CTNS: variants seen among roughly 807,000 people sequenced by gnomAD.
The protein encoded by CTNS is cystinosin, lysosomal cystine transporter, also known as cystinosin.
CTNS carries 27 observed loss-of-function variants against 43.7 expected under a neutral mutation model. The observed-to-expected ratio is 0.62, with a 90% CI of 0.46 to 0.85. CTNS has a LOEUF of 0.85. CTNS is among the 40% of genes least tolerant of loss of function. The pLI is 0.00. For missense variants in CTNS, 457 were observed against 475.4 expected (o/e 0.96, Z 0.36); for synonymous variants, 187 against 190.6 (o/e 0.98, Z 0.16).
intron 5 of CTNS, among the ~76,000 whole-genome samples, chr17:3,654,278 TG>T: frequency 6.6e-6 from 1 of 152,168 alleles, no homozygotes. Flanking sequence ...TTGAATAACT[TG>T]CCCAAGGTGA....
chr17:3,642,164 T>TGTGTGC (rs1466071356), intron 3 of CTNS, among the ~76,000 whole-genome samples: 1 of 139,394 alleles, frequency 7.2e-6, no homozygotes, highest in Non-Finnish European at 1.6e-5. Flanking sequence ...TGTGTGTGTG[T>TGTGTGC]GCCCAGTCGC....
chr17:3,653,245 C>G (rs2076032357), intron 5 of CTNS, among the ~76,000 whole-genome samples: 1 of 151,852 alleles, frequency 6.6e-6, no homozygotes, highest in East Asian at 1.9e-4. Context: ...AACCCCATCT[C>G]TACGAAAAAT....
rs1597659625 is a variant in CTNS, at chr17:3,658,130, C to T, written c.807C>T (p.Phe269=). 6.2e-7 allele frequency: 1 copy of T among 1,612,226 alleles called. No homozygotes were observed. Among genetic ancestry groups the T allele is most frequent in the Non-Finnish European group, 8.5e-7 (1 of 1,179,792 alleles). Reference sequence around the variant, plus strand: ...CGTGGCTGCAGTTTCTCTTCTGCTTCTCCTACATCAAGCTCGCAGTCACGC... The same window carrying T: ...CGTGGCTGCAGTTTCTCTTCTGCTTTTCCTACATCAAGCTCGCAGTCACGC... ...VTTWLQFLFC[F]SYIKLAVTLV... The change falls in exon 10 of 12, where the codon TTC becomes TTT. Residue 269 remains phenylalanine, a synonymous_variant. Transcript: ENST00000046640.
chr17:3,640,166 C>T, intron 2 of CTNS, 22 bp from the exon 3 acceptor site: 1 of 1,589,140 alleles, frequency 6.3e-7, no homozygotes, highest in East Asian at 2.2e-5. Context: ...CTGAACTTCT[C>T]TCTTGCTGTT....
chr17:3,661,091 C>T lies in CTNS; in HGVS notation c.*722C>T, dbSNP rs187832109. On this transcript the variant is annotated 3_prime_UTR_variant, in exon 12 of 12. Transcript: ENST00000046640. The stretch of plus-strand genomic sequence containing the variant: ...TACTCTCTTCTGCCCTCTCTCCTAC[C>T]TCCACCTTCTCAGATTAGCCCCATC... 11 of 359,468 alleles carry T rather than the reference C, an allele frequency of 3.1e-5. No homozygotes were observed. The highest frequency in any genetic ancestry group is 6.0e-5 in the Non-Finnish European group (11 of 184,630). The allele number at this position is 359,468 out of a possible 1,614,324, so 22.3% of individuals were successfully genotyped here.
intron 2 of CTNS, among the ~76,000 whole-genome samples, chr17:3,639,643 G>A (rs1271803094): frequency 2.0e-5 from 3 of 150,054 alleles, no homozygotes; most frequent in African/African-American, 7.4e-5. Context: ...ACTCCAGCCT[G>A]GGCAACAGAG....
intron 3 of CTNS, among the ~76,000 whole-genome samples, chr17:3,642,883 C>T (rs1209454631): frequency 6.6e-6 from 1 of 152,178 alleles, no homozygotes; most frequent in East Asian, 1.9e-4. Context: ...TGAGGCAGTG[C>T]AGCCTCATGG....
chr17:3,653,646 T>C (rs887962332), intron 5 of CTNS, among the ~76,000 whole-genome samples: 1 of 151,948 alleles, frequency 6.6e-6, no homozygotes, highest in Non-Finnish European at 1.5e-5. Context: ...GAGGCCAAGG[T>C]GGGTGGATCA....
At chr17:3,652,559 T>C (rs2076012805) in intron 5 of CTNS, among the ~76,000 whole-genome samples, 1 of 152,010 alleles carries the variant, frequency 6.6e-6, no homozygotes, top group Non-Finnish European at 1.5e-5. Flanking sequence ...GCCATTGCAC[T>C]CCAGCCTGGG....
At chr17:3,646,420 C>T (rs1201828524) in intron 3 of CTNS, among the ~76,000 whole-genome samples, 1 of 151,594 alleles carries the variant, frequency 6.6e-6, no homozygotes, top group African/African-American at 2.4e-5. Context: ...CCAAAGTAGC[C>T]GGGACTACAG....
chr17:3,649,241 A>G (rs2075916463), intron 5 of CTNS, among the ~76,000 whole-genome samples: 1 of 152,106 alleles, frequency 6.6e-6, no homozygotes, highest in African/African-American at 2.4e-5. Context: ...CTGAGGTAGG[A>G]AGTTCGAGAC....
At chr17:3,655,575 A>C (rs2076110056) in intron 7 of CTNS, 1 of 594,926 alleles carries the variant, frequency 1.7e-6, no homozygotes, top group Non-Finnish European at 2.9e-6. Context: ...GGAAAGCAGG[A>C]AAACAGGGAA....
chr17:3,642,177 A>G (rs1248253373), intron 3 of CTNS, among the ~76,000 whole-genome samples: 1 of 149,728 alleles, frequency 6.7e-6, no homozygotes, highest in Non-Finnish European at 1.5e-5. Context: ...CCAGTCGCTC[A>G]TACATACTCT....
intron 9 of CTNS, among the ~76,000 whole-genome samples, chr17:3,657,349 A>C (rs1003674794): frequency 3.3e-5 from 5 of 152,160 alleles, no homozygotes; most frequent in Non-Finnish European, 7.4e-5. Flanking sequence ...GCTGGAAGCC[A>C]TGGGTGTCGG....
chr17:3,656,001 C>T, intron 7 of CTNS: 2 of 314,460 alleles, frequency 6.4e-6, no homozygotes, highest in South Asian at 5.6e-5. Flanking sequence ...CCGAGTCCTC[C>T]TTCCCCGTGG....
At position 3,660,502 on chromosome 17, in the gene CTNS, C is replaced by G; in HGVS notation, c.*133C>G. The G allele has an allele frequency of 6.2e-7, 1 of 1,612,490 alleles. No individual in the cohort carries two copies. Among genetic ancestry groups the G allele is most frequent in the Non-Finnish European group, 8.5e-7 (1 of 1,179,950 alleles). On this transcript the variant is annotated 3_prime_UTR_variant, in exon 12 of 12. Transcript: ENST00000046640. ...CAGTGTGCGGACAGAGGAGACCACTCTGCTCCTGGGGCCAGAGGCCATTCA... is the reference window on the plus strand; with the variant it reads ...CAGTGTGCGGACAGAGGAGACCACTGTGCTCCTGGGGCCAGAGGCCATTCA...
rs1430736415 is a variant in CTNS at position 3,660,899 on chromosome 17, C to T, written c.*530C>T. ...CTCTGAAGGCCACTTTCCTGACGTACTCTCTGTACATAACTCAGCGTCCGT... is the reference window on the plus strand; with the variant it reads ...CTCTGAAGGCCACTTTCCTGACGTATTCTCTGTACATAACTCAGCGTCCGT... On this transcript the variant is annotated 3_prime_UTR_variant, in exon 12 of 12. Coordinates refer to ENST00000046640, the MANE Select transcript of CTNS (RefSeq NM_004937.3). 1.9e-6 allele frequency: 2 copies of T among 1,027,266 alleles called. No individual in the cohort carries two copies. Among genetic ancestry groups the T allele is most frequent in the Non-Finnish European group, 2.9e-6 (2 of 690,664 alleles). 63.6% of individuals were successfully genotyped at this position (1,027,266 alleles called of 1,614,324 possible).
At chr17:3,656,913 G>T in intron 9 of CTNS, 118 bp downstream of exon 9, 9 of 1,516,722 alleles carry the variant, frequency 5.9e-6, no homozygotes, top group Non-Finnish European at 8.0e-6. Flanking sequence ...CATTCATCCA[G>T]GTCCTGTGCT....
intron 9 of CTNS, 136 bp downstream of exon 9, chr17:3,656,931 G>C: frequency 7.0e-7 from 1 of 1,422,712 alleles, no homozygotes. Flanking sequence ...GCTGGGCATA[G>C]AAGACACCCA....
Sources: allele counts gnomAD v4.1 joint callset (sites outside exome capture counted in the v4.1 genomes callset), GRCh38; gene constraint gnomAD v4.1.1; transcripts MANE v1.5; gene names NCBI Gene and HGNC (gene_info 2026-07-23, HGNC 2026-07-21).